Variants in COL4A3 observed in about 807,000 individuals in gnomAD.
COL4A3 encodes the protein collagen type IV alpha 3 chain, also known as collagen alpha-3(IV) chain.
COL4A3 carries 135 observed loss-of-function variants against 217.4 expected under a neutral mutation model. The ratio of observed to expected loss-of-function variants is 0.62; its 90% CI spans 0.54 to 0.72. COL4A3 has a LOEUF of 0.72. Among genes scored for constraint, COL4A3 ranks in the 30% least tolerant of loss-of-function variants. The pLI is 0.00. For missense variants in COL4A3, 1,868 were observed against 2,119.9 expected (o/e 0.88, Z 2.33); for synonymous variants, 690 against 736.3 (o/e 0.94, Z 1.02).
chr2:227,217,259 C>T (rs1022496175), intron 1 of COL4A3, among the ~76,000 whole-genome samples: 2 of 152,204 alleles, frequency 1.3e-5, no homozygotes, highest in Non-Finnish European at 2.9e-5. Flanking sequence ...TCAATTATCT[C>T]CCACTGACTC....
intron 10 of COL4A3, 33 bp from the exon 11 acceptor site, chr2:227,251,303 C>T: frequency 6.2e-7 from 1 of 1,612,128 alleles, no homozygotes; most frequent in African/African-American, 1.3e-5. Flanking sequence ...GGATGCATTT[C>T]CTGCTGTGAT....
chr2:227,287,058 TAGTA>T (rs1450037287), intron 34 of COL4A3, among the ~76,000 whole-genome samples: 2 of 152,156 alleles, frequency 1.3e-5, no homozygotes, highest in Non-Finnish European at 2.9e-5. Context: ...TTAGGCTAGG[TAGTA>T]AGTATCTTAC....
At chr2:227,198,464 A>C (rs2066565560) in intron 1 of COL4A3, among the ~76,000 whole-genome samples, 1 of 151,902 alleles carries the variant, frequency 6.6e-6, no homozygotes, top group Non-Finnish European at 1.5e-5. Context: ...GAACAAAATT[A>C]AGTTGAATAT....
chr2:227,172,044 T>C (rs1372937588), intron 1 of COL4A3, among the ~76,000 whole-genome samples: 1 of 152,172 alleles, frequency 6.6e-6, no homozygotes, highest in Non-Finnish European at 1.5e-5. Context: ...CGTGTTCACT[T>C]GAGACATTCT....
intron 1 of COL4A3, among the ~76,000 whole-genome samples, chr2:227,192,669 T>C (rs1212169634): frequency 2.0e-5 from 3 of 152,050 alleles, no homozygotes; most frequent in Non-Finnish European, 4.4e-5. Flanking sequence ...GTGGTAGTTG[T>C]TGTAGTGAAG....
chr2:227,295,755 A>C (rs2073001133), intron 41 of COL4A3, among the ~76,000 whole-genome samples: 1 of 152,132 alleles, frequency 6.6e-6, no homozygotes. Context: ...CTTGCGGTCC[A>C]TGCTATTGTT....
At chr2:227,195,442 C>G (rs2066428709) in intron 1 of COL4A3, among the ~76,000 whole-genome samples, 1 of 152,104 alleles carries the variant, frequency 6.6e-6, no homozygotes. Flanking sequence ...CTCCTATAGA[C>G]TAGTGATGTA....
intron 25 of COL4A3, 64 bp downstream of exon 25, chr2:227,271,016 A>T: frequency 3.2e-6 from 5 of 1,552,784 alleles, no homozygotes; most frequent in Non-Finnish European, 3.5e-6. Flanking sequence ...AGATAAAGTG[A>T]TTTCTTTTCC....
chr2:227,309,561 A>C (rs781306290), intron 50 of COL4A3, among the ~76,000 whole-genome samples: 3 of 152,104 alleles, frequency 2.0e-5, no homozygotes, highest in Non-Finnish European at 2.9e-5. Context: ...ATTTAGGTGA[A>C]TAGTAGCTGC....
intron 1 of COL4A3, among the ~76,000 whole-genome samples, chr2:227,169,440 G>C (rs554980046): frequency 1.2e-3 from 174 of 150,802 alleles, no homozygotes; most frequent in African/African-American, 3.9e-3. Context: ...GGTATTTCTA[G>C]TTCTAGATCC....
chr2:227,280,404 G>A (rs1370723186), intron 29 of COL4A3, 36 bp from the exon 30 acceptor site: 10 of 1,611,608 alleles, frequency 6.2e-6, no homozygotes, highest in Non-Finnish European at 1.7e-6. Context: ...AGATTTGGAA[G>A]CACTATATAG....
intron 1 of COL4A3, among the ~76,000 whole-genome samples, chr2:227,189,343 C>T (rs922315183): frequency 2.0e-5 from 3 of 152,052 alleles, no homozygotes; most frequent in African/African-American, 7.2e-5. Flanking sequence ...GTGGGTAGAA[C>T]ACAGAGAAGC....
At chr2:227,222,896 C>A (rs1488367995) in intron 1 of COL4A3, among the ~76,000 whole-genome samples, 3 of 152,216 alleles carry the variant, frequency 2.0e-5, no homozygotes, top group African/African-American at 4.8e-5. Flanking sequence ...GCCTCCCACA[C>A]CATGCCCAGG....
At chr2:227,244,406 G>A (rs2069197718) in intron 4 of COL4A3, 42 bp downstream of exon 4, 2 of 1,565,420 alleles carry the variant, frequency 1.3e-6, no homozygotes, top group Non-Finnish European at 1.8e-6. Context: ...TAAAAGATCA[G>A]CTTTTCACAG....
At chr2:227,256,920 T>C (rs1372594027) in intron 17 of COL4A3, among the ~76,000 whole-genome samples, 1 of 152,148 alleles carries the variant, frequency 6.6e-6, no homozygotes, top group Non-Finnish European at 1.5e-5. Context: ...CATCATAGAG[T>C]GTACTCACAC....
chr2:227,174,719 C>T (rs141951302), intron 1 of COL4A3, among the ~76,000 whole-genome samples: 2,564 of 152,222 alleles, frequency 0.017, 80 homozygotes, highest in African/African-American at 0.058. Context: ...GTTGGTCAGG[C>T]TGGTCTTGAA....
chr2:227,258,371 A>G (rs568963369), intron 18 of COL4A3, among the ~76,000 whole-genome samples: 1 of 152,238 alleles, frequency 6.6e-6, no homozygotes, highest in Non-Finnish European at 1.5e-5. Flanking sequence ...AATGTAACTC[A>G]GGAATTGGAG....
intron 23 of COL4A3, among the ~76,000 whole-genome samples, chr2:227,267,933 C>T (rs374979545): frequency 3.3e-5 from 5 of 152,336 alleles, no homozygotes; most frequent in African/African-American, 1.2e-4. Flanking sequence ...ACCACCTCTG[C>T]TTTCGACCTC....
Position 227,250,338 on chromosome 2 carries a change from TGATAGATAGATA to T in COL4A3, c.547-765_547-754del, listed in dbSNP as rs59489597. 0.048 allele frequency among the ~76,000 whole-genome samples: 7,058 copies of T among 146,678 alleles called. 172 individuals are homozygous for T. Among genetic ancestry groups the T allele is most frequent in the African/African-American group, 0.063 (2,462 of 39,386 alleles). ...AAAAAATAGGTAGATAGATAAAAGA[TGATAGATAGATA>T]GATAGATAGATAGATAGATAGATAG... On this transcript the variant is annotated intron_variant, in intron 9 of 51. Coordinates refer to ENST00000396578, the MANE Select transcript of COL4A3 (RefSeq NM_000091.5). The surrounding 1 kb of genome is among the most constrained non-coding windows in gnomAD (Gnocchi z 4.1).
Sources: allele counts gnomAD v4.1 joint callset (sites outside exome capture counted in the v4.1 genomes callset), GRCh38; gene constraint gnomAD v4.1.1; non-coding constraint Gnocchi (gnomAD v3.1); transcripts MANE v1.5; gene names NCBI Gene and HGNC (gene_info 2026-07-23, HGNC 2026-07-21).